CRYGB: variants seen among roughly 807,000 people sequenced by gnomAD.
The protein encoded by CRYGB is gamma-crystallin B.
A neutral mutation model predicts 21.3 loss-of-function variants in CRYGB; 19 were observed. That is an observed-to-expected ratio of 0.89 (90% CI 0.62 to 1.31). CRYGB has a LOEUF of 1.31. Ranked by LOEUF, CRYGB falls within the 50% of genes most tolerant of loss-of-function variation. CRYGB has a pLI of 0.00. For missense variants in CRYGB, 254 were observed against 228.4 expected (o/e 1.11, Z -0.72); for synonymous variants, 81 against 81.2 (o/e 1.00, Z 0.01).
In CRYGB at chr2:208,145,848, G is replaced by A. The variant is rs1461895852; in HGVS notation, c.178C>T (p.Arg60Cys). ...NYQGHQYFLR[R>C]GEYPDYQQWM... ...TGCTGGTAGTCAGGGTACTCCCCACGCCGCAGGAAGTACTGGTGGCCCTGG... is the reference window on the plus strand; with the variant it reads ...TGCTGGTAGTCAGGGTACTCCCCACACCGCAGGAAGTACTGGTGGCCCTGG... Residue 60 changes from arginine to cysteine, a missense_variant, in exon 2 of 3, where the codon CGT becomes TGT. Physicochemically the swap from Arg to Cys is radical, Grantham distance 180 (BLOSUM62 -3). Transcript: ENST00000260988. 8.7e-6 allele frequency: 14 copies of A among 1,613,876 alleles called. No homozygotes were observed. The highest frequency in any genetic ancestry group is 1.3e-5 in the African/African-American group (1 of 74,890).
At chr2:208,146,051 T>C (rs760303014) in intron 1 of CRYGB, 35 bp from the exon 2 acceptor site, 2 of 1,609,736 alleles carry the variant, frequency 1.2e-6, no homozygotes, top group South Asian at 1.1e-5. Context: ...ATGGAGTGAT[T>C]GGCCCCCACT....
intron 2 of CRYGB, 74 bp downstream of exon 2, chr2:208,145,688 CAAAAAAAAAAAA>C (rs554918356): frequency 3.2e-5 from 41 of 1,284,654 alleles, no homozygotes; most frequent in Admixed American, 2.6e-4. Flanking sequence ...GACTCCGCCT[CAAAAAAAAAAAA>C]AAAAAAAAAA....
chr2:208,142,613 G>T lies in CRYGB; in HGVS notation c.*25C>A. 6.9e-7 allele frequency: 1 copy of T among 1,449,252 alleles called. No homozygotes were observed. The highest frequency in any genetic ancestry group is 9.1e-7 in the Non-Finnish European group (1 of 1,099,396). The allele number at this position is 1,449,252 out of a possible 1,614,324, so 89.8% of individuals were successfully genotyped here. A position where few individuals can be genotyped will look rare whatever the true frequency, so the allele number is the denominator to read the frequency against. On this transcript the variant is annotated 3_prime_UTR_variant, in exon 3 of 3. Coordinates refer to ENST00000260988, the MANE Select transcript of CRYGB (RefSeq NM_005210.4). The stretch of plus-strand genomic sequence containing the variant: ...CTAAATATTTTATTAGATTTTAAAG[G>T]AGAAAAGTGGAAAACGTAAATACTT...
chr2:208,145,849 C>T lies in CRYGB; in HGVS notation c.177G>A (p.Arg59=). Residue 59 remains arginine, a synonymous_variant, in exon 2 of 3, where the codon CGG becomes CGA. Coordinates refer to ENST00000260988, the MANE Select transcript of CRYGB (RefSeq NM_005210.4). ...GCTGGTAGTCAGGGTACTCCCCACG[C>T]CGCAGGAAGTACTGGTGGCCCTGGT... ...PNYQGHQYFL[R]RGEYPDYQQW... is the part of the protein sequence containing the mutation. 1 of 1,614,122 alleles carries T rather than the reference C, an allele frequency of 6.2e-7. No individual in the cohort carries two copies. Among genetic ancestry groups the T allele is most frequent in the Non-Finnish European group, 8.5e-7 (1 of 1,180,016 alleles).
At chr2:208,144,349 C>T (rs1463740800) in intron 2 of CRYGB, among the ~76,000 whole-genome samples, 1 of 151,712 alleles carries the variant, frequency 6.6e-6, no homozygotes, top group Non-Finnish European at 1.5e-5. Context: ...TGACTGAGAC[C>T]TGTCTCAGAT....
At chr2:208,144,598 T>A (rs903701364) in intron 2 of CRYGB, among the ~76,000 whole-genome samples, 1 of 151,218 alleles carries the variant, frequency 6.6e-6, no homozygotes, top group Non-Finnish European at 1.5e-5. Flanking sequence ...TTTTCTTTTT[T>A]TTTTTTTTTT....
In CRYGB at chr2:208,145,790, C is replaced by A. The variant is rs1441678530; in HGVS notation, c.236G>T (p.Cys79Phe). The A allele has an allele frequency of 5.6e-6, 9 of 1,612,642 alleles. No individual in the cohort carries two copies. The highest frequency in any genetic ancestry group is 7.6e-6 in the Non-Finnish European group (9 of 1,179,580). ...WMGLSDSIRS[C>F]CLIPPHSGAY... ...CACACTCACCGGGGGGATGAGGCAG[C>A]AGGAGCGGATGGAGTCGCTGAGGCC... Residue 79 changes from cysteine (C) to phenylalanine (F), a missense_variant, in exon 2 of 3, where the codon TGC (cysteine) becomes TTC (phenylalanine). Physicochemically the swap from Cys to Phe is radical, Grantham distance 205. Transcript: ENST00000260988.
intron 2 of CRYGB, among the ~76,000 whole-genome samples, chr2:208,144,382 C>CACAT (rs1559327636): frequency 2.5e-5 from 3 of 119,396 alleles, no homozygotes; most frequent in Non-Finnish European, 5.9e-5. Flanking sequence ...CTATTATATG[C>CACAT]GCACGCACAC....
chr2:208,144,548 C>T (rs1009081608), intron 2 of CRYGB, among the ~76,000 whole-genome samples: 1 of 151,882 alleles, frequency 6.6e-6, no homozygotes, highest in Admixed American at 6.6e-5. Context: ...GAACTACAGG[C>T]ATGCACCACC....
rs387907342 is a variant in CRYGB, at chr2:208,145,953, TG to T, written c.72del (p.Asn25ThrfsTer20). ...GRSYECTTDCPNLQPYFSRCN... is the reference protein window; with the variant it reads ...GRSYECTTDCXNLQPYFSRCN... ...CAGCGGCTGAAATAGGGTTGTAGGT[TG>T]GGGCAGTCAGTGGTGCATTCGTAGC... On this transcript the variant is annotated frameshift_variant, in exon 2 of 3. Coordinates refer to ENST00000260988, the MANE Select transcript of CRYGB (RefSeq NM_005210.4). LOFTEE classifies it high-confidence loss of function. The T allele has an allele frequency of 3.1e-6, 5 of 1,614,008 alleles. No individual in the cohort carries two copies. The highest frequency in any genetic ancestry group is 3.3e-4 in the Middle Eastern group (2 of 6,082).
intron 1 of CRYGB, 39 bp from the exon 2 acceptor site, chr2:208,146,055 C>A (rs566723377): frequency 6.4e-7 from 1 of 1,571,600 alleles, no homozygotes; most frequent in South Asian, 1.1e-5. Context: ...AGTGATTGGC[C>A]CCCACTGAGG....
At position 208,146,016 on chromosome 2, in the gene CRYGB, T is replaced by C. The variant is rs1488083388; in HGVS notation, c.10A>G (p.Ile4Val). 1.2e-5 allele frequency: 19 copies of C among 1,614,022 alleles called. No individual in the cohort carries two copies. The highest frequency in any genetic ancestry group is 1.5e-5 in the Non-Finnish European group (18 of 1,180,018). The change falls in exon 2 of 3, where the codon ATC becomes GTC. Residue 4 changes from isoleucine to valine, a missense_variant and splice_region_variant. Ile to Val is a conservative substitution (Grantham distance 29, BLOSUM62 3). Coordinates refer to ENST00000260988, the MANE Select transcript of CRYGB (RefSeq NM_005210.4). ...AAGGCCCTGTCCTCGTAGAAGGTGATCTGAAAAATGGAAGATGTGGGAGCA... is the reference window on the plus strand; with the variant it reads ...AAGGCCCTGTCCTCGTAGAAGGTGACCTGAAAAATGGAAGATGTGGGAGCA... MGK[I>V]TFYEDRAFQG...
chr2:208,143,257 G>A (rs1695390090), intron 2 of CRYGB, among the ~76,000 whole-genome samples: 1 of 152,188 alleles, frequency 6.6e-6, no homozygotes, highest in African/African-American at 2.4e-5. Context: ...ACAGTGAAAG[G>A]AAAATAAATC....
rs754898810 is a variant in CRYGB at position 208,142,687 on chromosome 2, GC to G, written c.478del (p.Ala160LeufsTer27). ...GEYRRFLDWG[A>X]PNAKVGSLRR... ...AAGAGAGCCAACTTTGGCATTTGGA[GC>G]CCCCCAATCAAGAAACCTCCTGTAC... On this transcript the variant is annotated frameshift_variant, in exon 3 of 3. Transcript: ENST00000260988. LOFTEE classifies it high-confidence loss of function. The G allele has an allele frequency of 1.8e-5, 29 of 1,585,330 alleles. No individual in the cohort carries two copies. The Admixed American group carries it at 4.7e-4, about 26-fold the overall frequency.
At position 208,142,845 on chromosome 2, in the gene CRYGB, T is replaced by A; in HGVS notation, c.321A>T (p.Thr107=). Residue 107 remains threonine, a synonymous_variant, in exon 3 of 3, where the codon ACA becomes ACT. Transcript: ENST00000260988. ...GGTCCTGAACAGAGATACAGTCGTCTGTGAGCTCTGACATTTGTCCCCTCA... is the reference window on the plus strand; with the variant it reads ...GGTCCTGAACAGAGATACAGTCGTCAGTGAGCTCTGACATTTGTCCCCTCA... ...DELRGQMSEL[T]DDCISVQDRF... is the part of the protein sequence containing the mutation. The A allele has an allele frequency of 6.2e-7, 1 of 1,614,162 alleles. No homozygotes were observed. The highest frequency in any genetic ancestry group is 8.5e-7 in the Non-Finnish European group (1 of 1,180,008).
Position 208,142,888 on chromosome 2 carries a change from A to G in CRYGB, c.278T>C (p.Ile93Thr). Residue 93 changes from isoleucine (I) to threonine (T), a missense_variant, in exon 3 of 3, where the codon ATC becomes ACC. By Grantham distance (89) the Ile-to-Thr change is moderately conservative (BLOSUM62 -1). Transcript: ENST00000260988. ...PPHSGAYRMKIYDRDELRGQM... is the reference protein window; with the variant it reads ...PPHSGAYRMKTYDRDELRGQM... ...TCCCCTCAATTCATCTCTGTCGTAG[A>G]TCTTCATTCTGTAAGCGCCAGAGTG... 6.2e-7 allele frequency: 1 copy of G among 1,609,490 alleles called. No individual in the cohort carries two copies. Among genetic ancestry groups the G allele is most frequent in the Non-Finnish European group, 8.5e-7 (1 of 1,177,820 alleles).
chr2:208,145,679 A>G (rs1695448105), intron 2 of CRYGB, 95 bp downstream of exon 2: 4 of 1,459,126 alleles, frequency 2.7e-6, no homozygotes, highest in Non-Finnish European at 2.7e-6. Flanking sequence ...ACAGAGCGAG[A>G]CTCCGCCTCA....
chr2:208,144,152 C>T (rs1052339178), intron 2 of CRYGB, among the ~76,000 whole-genome samples: 11 of 151,602 alleles, frequency 7.3e-5, no homozygotes, highest in Non-Finnish European at 2.9e-5. Context: ...TCCCAAGTAG[C>T]TGGGATTACA....
chr2:208,145,777 G>A lies in CRYGB; in HGVS notation c.249C>T (p.Pro83=). ...SDSIRSCCLI[P]PHSGAYRMKI... Reference sequence around the variant, plus strand: ...GCAAAGACAGAGCCACACTCACCGGGGGGATGAGGCAGCAGGAGCGGATGG... The same window carrying A: ...GCAAAGACAGAGCCACACTCACCGGAGGGATGAGGCAGCAGGAGCGGATGG... Residue 83 remains proline, a synonymous_variant, in exon 2 of 3, where the codon CCC becomes CCT. Coordinates refer to ENST00000260988, the MANE Select transcript of CRYGB (RefSeq NM_005210.4). The A allele has an allele frequency of 6.2e-7, 1 of 1,612,384 alleles. No homozygotes were observed. The highest frequency in any genetic ancestry group is 8.5e-7 in the Non-Finnish European group (1 of 1,179,094).
Sources: gnomAD v4.1 joint callset for allele counts (sites outside exome capture counted in the v4.1 genomes callset) on GRCh38, gnomAD v4.1.1 for gene constraint, MANE v1.5 for transcripts, NCBI Gene and HGNC (gene_info 2026-07-23, HGNC 2026-07-21) for gene names.